Variants in GABRB3 observed in about 807,000 individuals in gnomAD.
GABRB3 encodes gamma-aminobutyric acid receptor subunit beta-3.
In GABRB3, 14 loss-of-function variants were observed where a neutral mutation model predicts 52.1. The observed-to-expected ratio is 0.27, with a 90% CI of 0.18 to 0.42. GABRB3 has a LOEUF of 0.42. Among genes scored for constraint, GABRB3 ranks in the 10% least tolerant of loss-of-function variants. The pLI, the probability that GABRB3 is intolerant of heterozygous loss-of-function variation, is 1.00. For missense variants in GABRB3, 307 were observed against 609.1 expected, an observed-to-expected ratio of 0.50 and a Z score of 5.22; for synonymous variants, 260 against 232.3, an observed-to-expected ratio of 1.12 and a Z score of -1.08.
chr15:26,702,758 A>G lies in GABRB3; in HGVS notation c.240+69644T>C, dbSNP rs575094558. On this transcript the variant is annotated intron_variant, in intron 3 of 8. Transcript: ENST00000311550. ...ATGTCTACACAAAGACTTGTACATG[A>G]ATGTTCATAGCAGCCTTTTTAATTT... 2.0e-4 allele frequency among the ~76,000 whole-genome samples: 31 copies of G among 152,338 alleles called. No homozygotes were observed. The South Asian group carries it at 6.2e-3, about 31-fold the overall frequency.
intron 3 of GABRB3, among the ~76,000 whole-genome samples, chr15:26,729,713 C>T (rs1889860006): frequency 6.6e-6 from 1 of 152,124 alleles, no homozygotes; most frequent in South Asian, 2.1e-4. Context: ...CCATCTGTTC[C>T]CTATGCCCCC....
chr15:26,702,679 C>A (rs1443316987), intron 3 of GABRB3, among the ~76,000 whole-genome samples: 2 of 152,144 alleles, frequency 1.3e-5, no homozygotes, highest in Non-Finnish European at 2.9e-5. Flanking sequence ...GAACACTTAC[C>A]ATATGATCCA....
chr15:26,656,242 C>T lies in GABRB3; in HGVS notation c.241-34708G>A, dbSNP rs540350015. 4.6e-5 allele frequency among the ~76,000 whole-genome samples: 7 copies of T among 152,252 alleles called. No individual in the cohort carries two copies. In the East Asian group the frequency reaches 9.7e-4, roughly 21 times the overall value. ...ACTTGTAAAAAAGGGAGCCAGTTGT[C>T]GTCTCTCATTTCCCTCCAGCTCCGG... On this transcript the variant is annotated intron_variant, in intron 3 of 8. Transcript: ENST00000311550.
At chr15:26,617,291 C>T (rs932164713) in intron 4 of GABRB3, among the ~76,000 whole-genome samples, 3 of 152,190 alleles carry the variant, frequency 2.0e-5, no homozygotes, top group African/African-American at 7.2e-5. Flanking sequence ...CCGAATCCAG[C>T]AGCCCATCAA....
At chr15:26,567,766 G>T in intron 6 of GABRB3, 33 bp from the exon 7 acceptor site, 1 of 1,607,702 alleles carries the variant, frequency 6.2e-7, no homozygotes, top group Non-Finnish European at 8.5e-7. Flanking sequence ...TTACACTGGA[G>T]AAACAACATG....
intron 3 of GABRB3, among the ~76,000 whole-genome samples, chr15:26,739,836 G>A (rs748832071): frequency 6.6e-6 from 1 of 152,056 alleles, no homozygotes; most frequent in Non-Finnish European, 1.5e-5. Context: ...TTTATGCTAG[G>A]AAAAGAATTT....
In GABRB3 at chr15:26,772,964, C is replaced by T. The variant is rs1891197060; in HGVS notation, c.-2G>A. ...CCTTCCTCCCGCAAGGCCCCACATC[C>T]CTCCGCCGCGCCCCGGCACGGGGGA... On this transcript the variant is annotated 5_prime_UTR_variant, in exon 1 of 9. Coordinates refer to ENST00000311550, the MANE Select transcript of GABRB3 (RefSeq NM_000814.6). The T allele has an allele frequency of 1.4e-6, 2 of 1,426,082 alleles. No individual in the cohort carries two copies. Among genetic ancestry groups the T allele is most frequent in the Non-Finnish European group, 1.8e-6 (2 of 1,082,684 alleles). 88.3% of individuals were successfully genotyped at this position (1,426,082 alleles called of 1,614,324 possible). A position where few individuals can be genotyped will look rare whatever the true frequency, so the allele number is the denominator to read the frequency against.
intron 3 of GABRB3, among the ~76,000 whole-genome samples, chr15:26,718,034 A>C (rs2140138647): frequency 6.6e-6 from 1 of 152,074 alleles, no homozygotes; most frequent in Non-Finnish European, 1.5e-5. Flanking sequence ...AAAAACAACC[A>C]AAAAAAATGT....
At chr15:26,686,091 T>A (rs1278991623) in intron 3 of GABRB3, among the ~76,000 whole-genome samples, 1 of 152,062 alleles carries the variant, frequency 6.6e-6, no homozygotes, top group Non-Finnish European at 1.5e-5. Flanking sequence ...TATAAGTGTG[T>A]GCCACCATAC....
chr15:26,577,203 T>C (rs746675476), intron 6 of GABRB3, among the ~76,000 whole-genome samples: 10 of 151,736 alleles, frequency 6.6e-5, no homozygotes, highest in Non-Finnish European at 1.2e-4. Context: ...CAACCAGAGA[T>C]TCAAGAAGGT....
chr15:26,554,863 A>G (rs542869131), intron 8 of GABRB3, among the ~76,000 whole-genome samples: 1 of 152,290 alleles, frequency 6.6e-6, no homozygotes, highest in Admixed American at 6.5e-5. Context: ...CAGGATGCAG[A>G]TAAGTGGTAG....
intron 3 of GABRB3, among the ~76,000 whole-genome samples, chr15:26,706,215 C>T (rs1221810695): frequency 6.6e-6 from 1 of 152,178 alleles, no homozygotes; most frequent in Non-Finnish European, 1.5e-5. Flanking sequence ...TCAACGGGGT[C>T]CCAGCACAAA....
At chr15:26,773,324 C>T (rs1227897420), upstream of GABRB3, among the ~76,000 whole-genome samples, 2 of 150,602 alleles carry the variant, frequency 1.3e-5, no homozygotes, top group Non-Finnish European at 3.0e-5. Context: ...CCGCGGAGTG[C>T]GGGGGCGACC....
At position 26,546,034 on chromosome 15, in the gene GABRB3, C is replaced by T. The variant is rs1050779673; in HGVS notation, c.*1759G>A. 6.6e-6 allele frequency: 1 copy of T among 152,636 alleles called. No homozygotes were observed. Among genetic ancestry groups the T allele is most frequent in the Admixed American group, 6.5e-5 (1 of 15,268 alleles). 9.5% of individuals were successfully genotyped at this position (152,636 alleles called of 1,614,324 possible). ...GGGGATAGTCCACACCACACGCATCCTCGGGGAGGGTGGTGCCTCTACCTA... is the reference window on the plus strand; with the variant it reads ...GGGGATAGTCCACACCACACGCATCTTCGGGGAGGGTGGTGCCTCTACCTA... On this transcript the variant is annotated 3_prime_UTR_variant, in exon 9 of 9. Coordinates refer to ENST00000311550, the MANE Select transcript of GABRB3 (RefSeq NM_000814.6).
intron 3 of GABRB3, among the ~76,000 whole-genome samples, chr15:26,623,536 CTT>C (rs1892568412): frequency 7.7e-6 from 1 of 130,244 alleles, no homozygotes; most frequent in African/African-American, 2.6e-5. Flanking sequence ...CCAACCATCT[CTT>C]TTGTTTGTTT....
intron 3 of GABRB3, among the ~76,000 whole-genome samples, chr15:26,690,435 C>T (rs540774764): frequency 1.3e-5 from 2 of 152,146 alleles, no homozygotes; most frequent in South Asian, 4.1e-4. Context: ...ATTGGAGGCA[C>T]TAATGGTTTC....
At chr15:26,609,586 T>C (rs1252796763) in intron 4 of GABRB3, among the ~76,000 whole-genome samples, 1 of 152,152 alleles carries the variant, frequency 6.6e-6, no homozygotes, top group Non-Finnish European at 1.5e-5. Context: ...ATCTTCCCTA[T>C]TCATGTCTAC....
chr15:26,661,082 A>G (rs547200704), intron 3 of GABRB3, among the ~76,000 whole-genome samples: 2 of 152,106 alleles, frequency 1.3e-5, no homozygotes, highest in South Asian at 4.1e-4. Flanking sequence ...CACTGTGCCC[A>G]GCCAAGAATA....
chr15:26,644,049 G>C (rs944814791), intron 3 of GABRB3, among the ~76,000 whole-genome samples: 4 of 152,170 alleles, frequency 2.6e-5, no homozygotes, highest in Non-Finnish European at 4.4e-5. Context: ...CAGGAGGTGA[G>C]GGAAGGAATT....
Sources: allele counts gnomAD v4.1 joint callset (sites outside exome capture counted in the v4.1 genomes callset), GRCh38; gene constraint gnomAD v4.1.1; transcripts MANE v1.5; gene names NCBI Gene and HGNC (gene_info 2026-07-23, HGNC 2026-07-21).